Variants in WDPCP observed in about 807,000 individuals in gnomAD.
WDPCP encodes WD repeat-containing and planar cell polarity effector protein fritz homolog.
In WDPCP, 71 loss-of-function variants were observed where a neutral mutation model predicts 93.1. That is an observed-to-expected ratio of 0.76 (90% CI 0.63 to 0.93). The LOEUF (loss-of-function observed/expected upper bound fraction) is 0.93, where lower values mean the gene tolerates loss of function less well. Ranked by LOEUF, WDPCP falls within the 40% of genes least tolerant of loss-of-function variation. WDPCP has a pLI of 0.00. For missense variants in WDPCP, 844 were observed against 887.4 expected, an observed-to-expected ratio of 0.95 and a Z score of 0.62; for synonymous variants, 315 against 315.0, an observed-to-expected ratio of 1.00 and a Z score of 0.00.
chr2:63,124,419 T>G (rs1669755867), intron 17 of WDPCP, among the ~76,000 whole-genome samples: 1 of 152,138 alleles, frequency 6.6e-6, no homozygotes, highest in African/African-American at 2.4e-5. Flanking sequence ...GCTTTCTACA[T>G]GTGGTTAAGT....
intron 2 of WDPCP, among the ~76,000 whole-genome samples, chr2:63,735,482 G>T (rs1669624969): frequency 6.6e-6 from 1 of 152,212 alleles, no homozygotes; most frequent in African/African-American, 2.4e-5. Context: ...ACAGGGTTGA[G>T]TCAGACAGTG....
chr2:63,700,298 A>G lies in WDPCP; in HGVS notation n.309-49460T>C, dbSNP rs936443252. Among the ~76,000 whole-genome samples the G allele has an allele frequency of 4.5e-4, 47 of 104,260 alleles. 2 individuals carry two copies. The highest frequency in any genetic ancestry group is 1.4e-3 in the African/African-American group (43 of 31,226). 68.4% of individuals were successfully genotyped at this position (104,260 alleles called of 152,430 possible). A position where few individuals can be genotyped will look rare whatever the true frequency, so the allele number is the denominator to read the frequency against. Reference sequence around the variant, plus strand: ...ACCCTGTCTCAAAAAAAAAAAAAAAAAAAAACAAAAAGAAAAAAAGAAAAA... The same window carrying G: ...ACCCTGTCTCAAAAAAAAAAAAAAAGAAAAACAAAAAGAAAAAAAGAAAAA... On this transcript the variant is annotated intron_variant and non_coding_transcript_variant, in intron 2 of 4. Transcript: ENST00000467687.
chr2:63,447,024 A>G (rs1242651323), intron 6 of WDPCP, among the ~76,000 whole-genome samples: 1 of 152,240 alleles, frequency 6.6e-6, no homozygotes, highest in Non-Finnish European at 1.5e-5. Context: ...TGTTAGTACA[A>G]GAAAATAAAT....
intron 6 of WDPCP, among the ~76,000 whole-genome samples, chr2:63,470,677 G>A (rs1162395598): frequency 6.6e-6 from 1 of 152,122 alleles, no homozygotes; most frequent in East Asian, 1.9e-4. Flanking sequence ...AAAGTAAATT[G>A]AAACATATTT....
chr2:63,473,768 T>A (rs994355921), intron 6 of WDPCP, among the ~76,000 whole-genome samples: 3 of 152,212 alleles, frequency 2.0e-5, no homozygotes, highest in Non-Finnish European at 4.4e-5. Flanking sequence ...GAAATGAGAA[T>A]AATAATATAG....
rs35156273 is a variant in WDPCP, at chr2:63,413,786, A to AAAACAAAC, written c.826-9137_826-9130dup. 1.6e-3 allele frequency among the ~76,000 whole-genome samples: 237 copies of AAAACAAAC among 150,618 alleles called. 1 individual carries two copies. The highest frequency in any genetic ancestry group is 4.9e-3 in the African/African-American group (202 of 40,984). ...GCTACAGAGTGAGACTCTGTCTCAA[A>AAAACAAAC]AAACAAACAAACAAACAAACAAACA... On this transcript the variant is annotated intron_variant, in intron 9 of 17. Coordinates refer to ENST00000272321, the MANE Select transcript of WDPCP (RefSeq NM_015910.7).
intron 17 of WDPCP, among the ~76,000 whole-genome samples, chr2:63,131,131 A>C (rs987851344): frequency 3.3e-5 from 5 of 152,190 alleles, no homozygotes; most frequent in Non-Finnish European, 5.9e-5. Flanking sequence ...TTTTAAAAAA[A>C]TCCATTCAGT....
intron 1 of WDPCP, among the ~76,000 whole-genome samples, chr2:63,581,229 G>A (rs1235556285): frequency 2.6e-5 from 4 of 152,120 alleles, no homozygotes; most frequent in Non-Finnish European, 1.5e-5. Context: ...GCAAGGAAGG[G>A]GAAACCAGGA....
chr2:63,696,085 G>C (rs1013578558), intron 2 of WDPCP, among the ~76,000 whole-genome samples: 1 of 152,160 alleles, frequency 6.6e-6, no homozygotes, highest in Non-Finnish European at 1.5e-5. Flanking sequence ...TGGGTAGCAG[G>C]TGGGTAGAAC....
rs111294450 is a variant in WDPCP, at chr2:63,684,397, A to G, written n.309-33559T>C. The G allele has an allele frequency of 5.0e-5, 40 of 803,186 alleles. 1 individual carries two copies. Among genetic ancestry groups the G allele is most frequent in the African/African-American group, 3.1e-4 (18 of 58,394 alleles). The allele number at this position is 803,186 out of a possible 1,614,324, so 49.8% of individuals were successfully genotyped here. ...GCCATCATCATGAAGAACATTGATG[A>G]TGGCACCTCAGATCGCCCCTACAGC... On this transcript the variant is annotated intron_variant and non_coding_transcript_variant, in intron 2 of 4. Transcript: ENST00000467687.
chr2:63,354,706 A>G lies in WDPCP; in HGVS notation c.1748+23680T>C, dbSNP rs992081118. 2.8e-5 allele frequency among the ~76,000 whole-genome samples: 4 copies of G among 144,868 alleles called. No homozygotes were observed. The East Asian group carries it at 5.9e-4, about 21-fold the overall frequency. ...TACATATATGTGTGTGTATGTATGT[A>G]TATATGTATGTGTGTGTGTGTGTGT... On this transcript the variant is annotated intron_variant, in intron 12 of 17. Coordinates refer to ENST00000272321, the MANE Select transcript of WDPCP (RefSeq NM_015910.7).
intron 6 of WDPCP, among the ~76,000 whole-genome samples, chr2:63,454,868 C>G (rs1025751064): frequency 6.6e-6 from 1 of 152,126 alleles, no homozygotes; most frequent in African/African-American, 2.4e-5. Context: ...AACTTCTCAG[C>G]AGAAACCTTA....
chr2:63,340,400 G>A (rs1290438301), intron 12 of WDPCP, among the ~76,000 whole-genome samples: 1 of 152,134 alleles, frequency 6.6e-6, no homozygotes, highest in African/African-American at 2.4e-5. Context: ...GTCTCCTTTG[G>A]CCAAGTTCCA....
intron 1 of WDPCP, among the ~76,000 whole-genome samples, chr2:63,587,856 T>C (rs1708973878): frequency 6.6e-6 from 1 of 152,226 alleles, no homozygotes; most frequent in African/African-American, 2.4e-5. Context: ...CAAAAGGGAA[T>C]GGACAAAACT....
chr2:63,765,621 C>G (rs1670126440), intron 2 of WDPCP, among the ~76,000 whole-genome samples: 1 of 152,170 alleles, frequency 6.6e-6, no homozygotes, highest in Admixed American at 6.5e-5. Context: ...CCTCTGGCTT[C>G]TATGCAACAT....
rs914206847 is a variant in WDPCP at position 63,806,963 on chromosome 2, C to T, written n.308+6659G>A. Among the ~76,000 whole-genome samples, 8 of 152,124 alleles carry T rather than the reference C, an allele frequency of 5.3e-5. 1 individual carries two copies. Among genetic ancestry groups the T allele is most frequent in the African/African-American group, 1.7e-4 (7 of 41,426 alleles). ...TATTACAGGGTCCTGAGGCAATATA[C>T]ATCCTCCTCAGCTGACAGGATTAAG... On this transcript the variant is annotated intron_variant and non_coding_transcript_variant, in intron 2 of 4. Transcript: ENST00000467687.
intron 2 of WDPCP, among the ~76,000 whole-genome samples, chr2:63,670,624 A>G (rs1710334589): frequency 2.0e-5 from 3 of 152,202 alleles, no homozygotes; most frequent in Admixed American, 2.0e-4. Flanking sequence ...TGTATATGGT[A>G]TAAAAAACAG....
intron 9 of WDPCP, among the ~76,000 whole-genome samples, chr2:63,431,102 G>C (rs1373418947): frequency 6.6e-6 from 1 of 152,116 alleles, no homozygotes; most frequent in African/African-American, 2.4e-5. Flanking sequence ...ATTTGGTTCA[G>C]TATGTGGGCT....
intron 1 of WDPCP, among the ~76,000 whole-genome samples, chr2:63,528,529 A>T (rs555814906): frequency 6.6e-6 from 1 of 152,114 alleles, no homozygotes; most frequent in South Asian, 2.1e-4. Flanking sequence ...ATAGTTGTAG[A>T]TGTGTGGTAT....
Sources: allele counts gnomAD v4.1 joint callset (sites outside exome capture counted in the v4.1 genomes callset), GRCh38; gene constraint gnomAD v4.1.1; transcripts MANE v1.5; gene names NCBI Gene and HGNC (gene_info 2026-07-23, HGNC 2026-07-21).